The following MID1 variants were observed in gnomAD, a reference collection of about 807,000 sequenced individuals.
MID1 encodes E3 ubiquitin-protein ligase Midline-1.
Under a neutral mutation model 40.4 loss-of-function variants are expected in MID1, and 7 were observed. The observed-to-expected ratio is 0.17, with a 90% CI of 0.10 to 0.33. The LOEUF (loss-of-function observed/expected upper bound fraction) is 0.33, where lower values mean the gene tolerates loss of function less well. MID1 is among the 10% of genes least tolerant of loss of function. The pLI, the probability that MID1 is intolerant of heterozygous loss-of-function variation, is 1.00. For synonymous variants in MID1, 229 were observed against 221.2 expected (o/e 1.04, Z -0.31); for missense variants, 367 against 558.5 (o/e 0.66, Z 3.46).
intron 4 of MID1, among the ~76,000 whole-genome samples, chrX:10,490,828 A>C (rs1006034431): frequency 5.4e-5 from 6 of 112,015 alleles, no homozygotes; most frequent in Admixed American, 3.8e-4. Context: ...GCAGAAATGC[A>C]AGTTGATGGA....
chrX:10,656,717 T>C (rs765964541), intron 1 of MID1, among the ~76,000 whole-genome samples: 11 of 110,658 alleles, frequency 9.9e-5, no homozygotes, highest in Admixed American at 4.8e-4. Context: ...TAAGCTCTCA[T>C]ATTCAGATGA....
At chrX:10,462,574 G>C (rs766342986) in intron 7 of MID1, among the ~76,000 whole-genome samples, 2 of 111,770 alleles carry the variant, frequency 1.8e-5, no homozygotes, top group Non-Finnish European at 3.8e-5. Context: ...CACCTCCTCC[G>C]ACTCAGTTTA....
intron 2 of MID1, chrX:10,565,524 CTT>C: frequency 6.1e-6 from 2 of 330,286 alleles, no homozygotes; most frequent in Admixed American, 6.2e-5. Flanking sequence ...TGATAACACT[CTT>C]TTGATCATGT....
chrX:10,694,832 G>C (rs1160522121), intron 1 of MID1, among the ~76,000 whole-genome samples: 8 of 112,022 alleles, frequency 7.1e-5, no homozygotes, highest in Non-Finnish European at 1.5e-4. Context: ...ACTCCATCTT[G>C]CCCTTAAACT....
chrX:10,619,349 G>T (rs1342619883), intron 1 of MID1, among the ~76,000 whole-genome samples: 1 of 112,671 alleles, frequency 8.9e-6, no homozygotes, highest in Non-Finnish European at 1.9e-5. Flanking sequence ...TTCCCATCCA[G>T]ATTTATTCAG....
chrX:10,624,524 T>G (rs1935975836), upstream of MID1, among the ~76,000 whole-genome samples: 1 of 112,370 alleles, frequency 8.9e-6, no homozygotes, highest in Non-Finnish European at 1.9e-5. Context: ...ATATAGCAGA[T>G]TCTTCATTAT....
At position 10,620,527 on chromosome X, in the gene MID1, A is replaced by G. The variant is rs888233476; in HGVS notation, c.-294T>C. On this transcript the variant is annotated 5_prime_UTR_variant, in exon 1 of 10. Transcript: ENST00000317552. ...TTCTCAACCTTTTCTCCCCCAGCCTATGAAAAGTCGGTCGCAGGGAAGCGA... is the reference window on the plus strand; with the variant it reads ...TTCTCAACCTTTTCTCCCCCAGCCTGTGAAAAGTCGGTCGCAGGGAAGCGA... 1 of 112,553 alleles carries G rather than the reference A, an allele frequency of 8.9e-6. No individual in the cohort carries two copies. The highest frequency in any genetic ancestry group is 1.9e-5 in the Non-Finnish European group (1 of 53,285). 9.3% of individuals were successfully genotyped at this position (112,553 alleles called of 1,213,427 possible).
At chrX:10,831,127 G>A (rs1180763886) in intron 1 of MID1, among the ~76,000 whole-genome samples, 1 of 111,884 alleles carries the variant, frequency 8.9e-6, no homozygotes, top group Non-Finnish European at 1.9e-5. Context: ...GATGGCCCAT[G>A]TGCCAAGAGG....
intron 2 of MID1, among the ~76,000 whole-genome samples, chrX:10,560,829 C>CCTAGTTGCAAACTGGG (rs1569104942): frequency 6.5e-5 from 7 of 107,335 alleles, no homozygotes; most frequent in African/African-American, 1.5e-4. Context: ...CTATCCCCAT[C>CCTAGTTGCAAACTGGG]AAGCTACCAT....
chrX:10,625,354 T>C (rs1157468009), upstream of MID1, among the ~76,000 whole-genome samples: 10 of 112,537 alleles, frequency 8.9e-5, no homozygotes, highest in Non-Finnish European at 1.9e-4. Flanking sequence ...TATACCTTCA[T>C]GGCAACACCT....
intron 1 of MID1, chrX:10,589,801 C>A (rs937598456): frequency 2.7e-5 from 3 of 110,660 alleles, no homozygotes. Flanking sequence ...ACCTAAGGAG[C>A]TGCCTCAACC....
chrX:10,695,156 A>G (rs893027446), intron 1 of MID1, among the ~76,000 whole-genome samples: 1 of 111,896 alleles, frequency 8.9e-6, no homozygotes, highest in Non-Finnish European at 1.9e-5. Flanking sequence ...ACAGGTTCTC[A>G]TTCTCTTGCC....
chrX:10,448,897 T>G lies in MID1; in HGVS notation c.*471A>C. 1 of 118,993 alleles carries G rather than the reference T, an allele frequency of 8.4e-6. No individual in the cohort carries two copies. The highest frequency in any genetic ancestry group is 1.8e-5 in the Non-Finnish European group (1 of 56,466). 9.8% of individuals were successfully genotyped at this position (118,993 alleles called of 1,213,427 possible). A position where few individuals can be genotyped will look rare whatever the true frequency, so the allele number is the denominator to read the frequency against. Reference sequence around the variant, plus strand: ...AAAGCCTGTTTCCTCCCCTACTAGGTTCAAACACATCCTGTTATGCACCAT... The same window carrying G: ...AAAGCCTGTTTCCTCCCCTACTAGGGTCAAACACATCCTGTTATGCACCAT... On this transcript the variant is annotated 3_prime_UTR_variant, in exon 10 of 10. Coordinates refer to ENST00000317552, the MANE Select transcript of MID1 (RefSeq NM_000381.4).
chrX:10,487,245 A>G (rs741499), intron 4 of MID1, among the ~76,000 whole-genome samples: 7,657 of 111,241 alleles, frequency 0.069, 556 homozygotes, highest in African/African-American at 0.21. Flanking sequence ...AGACCCTCTC[A>G]AATTTAGAGC....
chrX:10,596,690 T>C (rs902432363), intron 1 of MID1, among the ~76,000 whole-genome samples: 6 of 111,577 alleles, frequency 5.4e-5, no homozygotes, highest in Middle Eastern at 9.1e-3. Flanking sequence ...CCTGACATTT[T>C]GCTAAGATTA....
At chrX:10,506,535 G>A (rs1931851555) in intron 3 of MID1, 2 of 514,489 alleles carry the variant, frequency 3.9e-6, no homozygotes, top group African/African-American at 2.3e-5. Flanking sequence ...ATCAGGAGCT[G>A]GTTGAAAGCT....
chrX:10,613,819 C>CTA (rs1319923282), intron 1 of MID1, among the ~76,000 whole-genome samples: 2 of 94,494 alleles, frequency 2.1e-5, no homozygotes, highest in Admixed American at 1.2e-4. Context: ...TATAAATGGA[C>CTA]TATATATATA....
intron 1 of MID1, among the ~76,000 whole-genome samples, chrX:10,799,154 GGCAGGCCACCAGT>G (rs1428930022): frequency 1.8e-5 from 2 of 111,479 alleles, no homozygotes; most frequent in Non-Finnish European, 3.8e-5. Context: ...CCCCTCACCT[GGCAGGCCACCAGT>G]GCTAATATTA....
At chrX:10,515,270 GTCT>G (rs772280076) in intron 3 of MID1, among the ~76,000 whole-genome samples, 53 of 112,441 alleles carry the variant, frequency 4.7e-4, no homozygotes, top group Non-Finnish European at 7.9e-4. Context: ...TACTGGAAAA[GTCT>G]TCTACAGACT....
Sources: allele counts gnomAD v4.1 joint callset (sites outside exome capture counted in the v4.1 genomes callset), GRCh38; gene constraint gnomAD v4.1.1; transcripts MANE v1.5; gene names NCBI Gene and HGNC (gene_info 2026-07-23, HGNC 2026-07-21).